Variants in KIF27 observed in about 807,000 individuals in gnomAD.
KIF27 encodes the protein kinesin-like protein KIF27.
A neutral mutation model predicts 141.8 loss-of-function variants in KIF27; 84 were observed. The observed-to-expected ratio is 0.59, with a 90% confidence interval of 0.50 to 0.71. KIF27 has a LOEUF of 0.71. Ranked by LOEUF, KIF27 falls within the 30% of genes least tolerant of loss-of-function variation. The pLI is 0.00. For synonymous variants in KIF27, 471 were observed against 569.5 expected (o/e 0.83, Z 2.46); for missense variants, 1,306 against 1,628.4 (o/e 0.80, Z 3.41).
rs1366720384 is a variant in KIF27, at chr9:83,859,390, C to G, written c.2935-19G>C. On this transcript the variant is annotated intron_variant, in intron 13 of 17. Coordinates refer to ENST00000297814, the MANE Select transcript of KIF27 (RefSeq NM_017576.4). ...TTAAGGCCTAAAAGATACAACCCAC[C>G]AGCCACCTCAAAAACAGTTACTAGA... 6.4e-7 allele frequency: 1 copy of G among 1,569,040 alleles called. No individual in the cohort carries two copies.
chr9:83,918,580 C>T (rs1478589739), intron 1 of KIF27, among the ~76,000 whole-genome samples: 1 of 152,116 alleles, frequency 6.6e-6, no homozygotes, highest in Non-Finnish European at 1.5e-5. Context: ...AGAAGATATA[C>T]AAATGAATAA....
At chr9:83,919,994 G>A (rs1956097548) in intron 1 of KIF27, among the ~76,000 whole-genome samples, 2 of 152,000 alleles carry the variant, frequency 1.3e-5, no homozygotes, top group South Asian at 4.2e-4. Context: ...CACTTTGGGA[G>A]GCCAAGGCAG....
chr9:83,857,337 C>G (rs1949345636), intron 14 of KIF27, among the ~76,000 whole-genome samples: 2 of 152,170 alleles, frequency 1.3e-5, no homozygotes, highest in African/African-American at 4.8e-5. Context: ...CTGCTAGTGA[C>G]AGATCTATTT....
rs548117894 is a variant in KIF27 at position 83,850,163 on chromosome 9, C to T, written c.3492G>A (p.Arg1164=). The T allele has an allele frequency of 1.2e-6, 2 of 1,613,898 alleles. No individual in the cohort carries two copies. Among genetic ancestry groups the T allele is most frequent in the African/African-American group, 1.3e-5 (1 of 75,034 alleles). Reference sequence around the variant, plus strand: ...GTTCCTTTTGCTGGAGGGTCAGTCTCCGGTCACACTGCAATTTTAGATGGT... The same window carrying T: ...GTTCCTTTTGCTGGAGGGTCAGTCTTCGGTCACACTGCAATTTTAGATGGT... ...ALDHLKLQCD[R]RLTLQQKEHE... The change falls in exon 16 of 18, where the codon CGG becomes CGA. Residue 1164 remains arginine, a synonymous_variant. Coordinates refer to ENST00000297814, the MANE Select transcript of KIF27 (RefSeq NM_017576.4).
At position 83,853,842 on chromosome 9, in the gene KIF27, A is replaced by T; in HGVS notation, c.3151-7T>A. The stretch of plus-strand genomic sequence containing the variant: ...GGAAAAGAACATGTTCTTCCTAGAT[A>T]TAACAGAAATCACTCATTTTAAATG... On this transcript the variant is annotated splice_polypyrimidine_tract_variant and splice_region_variant and intron_variant, in intron 14 of 17. Transcript: ENST00000297814. 1 of 1,565,790 alleles carries T rather than the reference A, an allele frequency of 6.4e-7. No homozygotes were observed. The highest frequency in any genetic ancestry group is 1.1e-5 in the South Asian group (1 of 90,042).
chr9:83,909,088 G>T (rs952096004), intron 2 of KIF27, among the ~76,000 whole-genome samples: 1 of 152,096 alleles, frequency 6.6e-6, no homozygotes, highest in African/African-American at 2.4e-5. Flanking sequence ...ACAAAACAGG[G>T]AGAAAAGAAA....
At chr9:83,857,295 T>C (rs1266104073) in intron 14 of KIF27, among the ~76,000 whole-genome samples, 2 of 152,248 alleles carry the variant, frequency 1.3e-5, no homozygotes, top group South Asian at 2.1e-4. Flanking sequence ...ATACCTTGTG[T>C]CGTCACATCA....
Position 83,834,908 on chromosome 9 carries a change from T to C in KIF27, c.*2093A>G, listed in dbSNP as rs1404981441. ...ATGTAAAATGTATAACCTATATCTA[T>C]ATACAAGTATATATATAATACTATA... On this transcript the variant is annotated 3_prime_UTR_variant, in exon 18 of 18. Coordinates refer to ENST00000297814, the MANE Select transcript of KIF27 (RefSeq NM_017576.4). Among the ~76,000 whole-genome samples the C allele has an allele frequency of 2.0e-5, 3 of 147,340 alleles. No homozygotes were observed. Among genetic ancestry groups the C allele is most frequent in the African/African-American group, 7.6e-5 (3 of 39,392 alleles).
chr9:83,876,625 G>C (rs1264305682), intron 11 of KIF27, among the ~76,000 whole-genome samples: 1 of 152,180 alleles, frequency 6.6e-6, no homozygotes, highest in Non-Finnish European at 1.5e-5. Context: ...TGAAAAAGAA[G>C]AGCAAGGTGG....
At chr9:83,865,055 G>C (rs1422466605) in intron 13 of KIF27, among the ~76,000 whole-genome samples, 1 of 151,512 alleles carries the variant, frequency 6.6e-6, no homozygotes, top group African/African-American at 2.4e-5. Context: ...CCTTTATTTT[G>C]AGCCTATATG....
chr9:83,863,445 T>G (rs1000953167), intron 13 of KIF27, among the ~76,000 whole-genome samples: 3 of 152,236 alleles, frequency 2.0e-5, no homozygotes, highest in African/African-American at 7.2e-5. Flanking sequence ...ATGTGGTTTT[T>G]GTCTTTGGTT....
chr9:83,908,576 AG>A lies in KIF27; in HGVS notation c.374del (p.Pro125LeufsTer7). The stretch of plus-strand genomic sequence containing the variant: ...ATACTTTTACATTAAAGTCAATGCT[AG>A]GATGTTCAGAGATGCTTTGAAATAT... ...QEIFQSISEH[P>X]SIDFNVKVSY... On this transcript the variant is annotated frameshift_variant, in exon 3 of 18. Transcript: ENST00000297814. LOFTEE classifies it high-confidence loss of function. 6.2e-7 allele frequency: 1 copy of A among 1,611,872 alleles called. No individual in the cohort carries two copies. The highest frequency in any genetic ancestry group is 8.5e-7 in the Non-Finnish European group (1 of 1,178,262).
Position 83,903,942 on chromosome 9 carries a change from G to A in KIF27, c.576C>T (p.Ala192=). 1 of 1,614,098 alleles carries A rather than the reference G, an allele frequency of 6.2e-7. No individual in the cohort carries two copies. Among genetic ancestry groups the A allele is most frequent in the Non-Finnish European group, 8.5e-7 (1 of 1,180,014 alleles). ...TCATTTGAGTGGTACCTGTATGTCT[G>A]GCTGCATTCCCCATCTCCAAAAGAC... is the stretch of plus-strand genomic sequence containing the variant. The part of the protein sequence containing the change: ...VMSLLEMGNA[A]RHTGTTQMNE... The change falls in exon 4 of 18, where the codon GCC becomes GCT. Residue 192 remains alanine, a synonymous_variant. Transcript: ENST00000297814.
chr9:83,889,682 C>T (rs896040328), intron 6 of KIF27, among the ~76,000 whole-genome samples: 5 of 151,652 alleles, frequency 3.3e-5, no homozygotes, highest in African/African-American at 1.2e-4. Flanking sequence ...CAAATCCTAC[C>T]ACAGGAAGAA....
rs543373060 is a variant in KIF27 at position 83,887,100 on chromosome 9, C to G, written c.2180G>C (p.Arg727Thr). 61 of 1,600,674 alleles carry G rather than the reference C, an allele frequency of 3.8e-5. 3 individuals are homozygous for G. In the African/African-American group the frequency reaches 4.3e-4, roughly 11 times the overall value. The change falls in exon 9 of 18, where the codon AGA becomes ACA. Residue 727 changes from arginine (R) to threonine (T), a missense_variant. Transcript: ENST00000297814. Reference sequence around the variant, plus strand: ...CATCTTGATGTTAATTGTAAGTTCTCTCATTTTTTGTTTAGCTTCAGTAAG... The same window carrying G: ...CATCTTGATGTTAATTGTAAGTTCTGTCATTTTTTGTTTAGCTTCAGTAAG... ...RILTEAKQKM[R>T]ELTINIKMKE...
At chr9:83,920,563 T>C (rs1309708197) in intron 1 of KIF27, among the ~76,000 whole-genome samples, 1 of 152,154 alleles carries the variant, frequency 6.6e-6, no homozygotes, top group African/African-American at 2.4e-5. Flanking sequence ...TTGTCTTAAA[T>C]GTGTGGTTTG....
intron 11 of KIF27, 119 bp downstream of exon 11, chr9:83,880,178 T>C (rs1951556075): frequency 1.4e-6 from 2 of 1,460,976 alleles, no homozygotes; most frequent in Admixed American, 2.0e-5. Context: ...AGGACAGCAG[T>C]GAAGGGCAGG....
chr9:83,842,877 G>A (rs1946758064), intron 16 of KIF27, among the ~76,000 whole-genome samples: 1 of 152,032 alleles, frequency 6.6e-6, no homozygotes, highest in Admixed American at 6.6e-5. Context: ...GGATTTTTCT[G>A]CCTGTAAAAT....
chr9:83,871,640 A>G (rs1393743778), intron 11 of KIF27, among the ~76,000 whole-genome samples: 1 of 152,074 alleles, frequency 6.6e-6, no homozygotes, highest in African/African-American at 2.4e-5. Flanking sequence ...GACTTGGAAG[A>G]CAGATCATGG....
Sources: allele counts gnomAD v4.1 joint callset (sites outside exome capture counted in the v4.1 genomes callset), GRCh38; gene constraint gnomAD v4.1.1; transcripts MANE v1.5; gene names NCBI Gene and HGNC (gene_info 2026-07-23, HGNC 2026-07-21).